Variants in PRMT7 observed in about 807,000 individuals in gnomAD.
PRMT7 encodes protein arginine N-methyltransferase 7.
PRMT7 carries 75 observed loss-of-function variants against 85.4 expected under a neutral mutation model. That is an observed-to-expected ratio of 0.88 (90% confidence interval 0.73 to 1.06). The LOEUF (loss-of-function observed/expected upper bound fraction) is 1.06, where lower values mean the gene tolerates loss of function less well. Among genes scored for constraint, PRMT7 ranks in the 50% least tolerant of loss-of-function variants. PRMT7 has a pLI of 0.00. For synonymous variants in PRMT7, 397 were observed against 359.5 expected, an observed-to-expected ratio of 1.10 and a Z score of -1.18; for missense variants, 868 against 915.2, an observed-to-expected ratio of 0.95 and a Z score of 0.67.
Position 68,311,047 on chromosome 16 carries a change from G to A in PRMT7, c.-271G>A. 1.1e-6 allele frequency: 1 copy of A among 904,026 alleles called. No individual in the cohort carries two copies. Among genetic ancestry groups the A allele is most frequent in the Non-Finnish European group, 1.8e-6 (1 of 571,184 alleles). The allele number at this position is 904,026 out of a possible 1,614,324, so 56.0% of individuals were successfully genotyped here. A position where few individuals can be genotyped will look rare whatever the true frequency, so the allele number is the denominator to read the frequency against. On this transcript the variant is annotated 5_prime_UTR_variant, in exon 1 of 19. Coordinates refer to ENST00000441236, the MANE Select transcript of PRMT7 (RefSeq NM_019023.5). ...GCTGCGAGGTCCCGCCCCGCGTGCTGGCCGCGGTAAAAGTGGTAGCAGCGG... is the reference window on the plus strand; with the variant it reads ...GCTGCGAGGTCCCGCCCCGCGTGCTAGCCGCGGTAAAAGTGGTAGCAGCGG...
intron 5 of PRMT7, among the ~76,000 whole-genome samples, chr16:68,327,859 G>T (rs1352171783): frequency 1.3e-5 from 2 of 150,880 alleles, no homozygotes; most frequent in African/African-American, 4.9e-5. Flanking sequence ...AATTGCTTGA[G>T]CCTGGGAGGT....
At chr16:68,356,653 G>T (rs367864754) in intron 17 of PRMT7, 48 bp from the exon 18 acceptor site, 1 of 1,453,654 alleles carries the variant, frequency 6.9e-7, no homozygotes. Context: ...CTGTTCCCCC[G>T]CTGCCTCTTG....
At chr16:68,319,996 G>A (rs1366193137) in intron 3 of PRMT7, among the ~76,000 whole-genome samples, 1 of 152,146 alleles carries the variant, frequency 6.6e-6, no homozygotes. Context: ...AGTTTTCCCT[G>A]ATGATGTTAA....
intron 5 of PRMT7, 160 bp downstream of exon 5, chr16:68,324,992 GTTCC>G: frequency 4.7e-6 from 4 of 855,500 alleles, no homozygotes; most frequent in Non-Finnish European, 7.0e-6. Context: ...GTCAGACACA[GTTCC>G]TTCCTCCAGG....
At chr16:68,311,225 T>G in intron 1 of PRMT7, 126 bp downstream of exon 1, 1 of 512,780 alleles carries the variant, frequency 2.0e-6, no homozygotes, top group African/African-American at 1.9e-5. Context: ...CTCCTCCGCG[T>G]GGGGCAGCTC....
intron 2 of PRMT7, 102 bp from the exon 3 acceptor site, chr16:68,315,795 G>T: frequency 6.7e-6 from 4 of 593,516 alleles, no homozygotes; most frequent in East Asian, 3.0e-5. Context: ...CCCCGCTTTT[G>T]TCTCCCCTTC....
chr16:68,340,131 G>A (rs531248009), intron 9 of PRMT7, among the ~76,000 whole-genome samples, 163 bp downstream of exon 9: 1 of 152,348 alleles, frequency 6.6e-6, no homozygotes, highest in African/African-American at 2.4e-5. Flanking sequence ...GCTAGCTGTA[G>A]TAACGTAGCC....
chr16:68,335,215 A>G (rs996200584), intron 6 of PRMT7, among the ~76,000 whole-genome samples: 2 of 152,194 alleles, frequency 1.3e-5, no homozygotes, highest in Non-Finnish European at 2.9e-5. Flanking sequence ...GTAGGGTGAC[A>G]GAAATCAATA....
rs1473502151 is a variant in PRMT7 at position 68,311,046 on chromosome 16, T to C, written c.-272T>C. ...CGCTGCGAGGTCCCGCCCCGCGTGC[T>C]GGCCGCGGTAAAAGTGGTAGCAGCG... On this transcript the variant is annotated 5_prime_UTR_variant, in exon 1 of 19. Coordinates refer to ENST00000441236, the MANE Select transcript of PRMT7 (RefSeq NM_019023.5). 4 of 904,678 alleles carry C rather than the reference T, an allele frequency of 4.4e-6. No homozygotes were observed. Among genetic ancestry groups the C allele is most frequent in the Non-Finnish European group, 7.0e-6 (4 of 571,734 alleles). The allele number at this position is 904,678 out of a possible 1,614,324, so 56.0% of individuals were successfully genotyped here.
intron 2 of PRMT7, among the ~76,000 whole-genome samples, chr16:68,314,608 A>T (rs1202656844): frequency 1.3e-5 from 2 of 152,252 alleles, no homozygotes; most frequent in Non-Finnish European, 2.9e-5. Context: ...ACTCTGGCCA[A>T]TAAAATGCCA....
At chr16:68,345,302 A>G (rs546850390) in intron 9 of PRMT7, among the ~76,000 whole-genome samples, 54 of 152,218 alleles carry the variant, frequency 3.5e-4, no homozygotes, top group Non-Finnish European at 6.8e-4. Context: ...TTCCCCTTAA[A>G]CCACTAGGTT....
intron 6 of PRMT7, among the ~76,000 whole-genome samples, chr16:68,333,621 C>T (rs1597298608): frequency 6.6e-6 from 1 of 152,036 alleles, no homozygotes; most frequent in Non-Finnish European, 1.5e-5. Context: ...CTGTACCTGG[C>T]GAGATCATTT....
At position 68,315,972 on chromosome 16, in the gene PRMT7, T is replaced by C; in HGVS notation, c.-8T>C. ...TTCTGTGCTAAAACTGGGGAGCTAG[T>C]GGGCACCATGAAGATCTTCTGCAGT... On this transcript the variant is annotated 5_prime_UTR_variant, in exon 3 of 19. Coordinates refer to ENST00000441236, the MANE Select transcript of PRMT7 (RefSeq NM_019023.5). The C allele has an allele frequency of 6.2e-7, 1 of 1,613,162 alleles. No individual in the cohort carries two copies. Among genetic ancestry groups the C allele is most frequent in the South Asian group, 1.1e-5 (1 of 90,758 alleles).
intron 6 of PRMT7, among the ~76,000 whole-genome samples, chr16:68,330,566 A>C (rs1214368555): frequency 6.6e-6 from 1 of 151,952 alleles, no homozygotes; most frequent in Non-Finnish European, 1.5e-5. Flanking sequence ...GGAGAATCTG[A>C]AACATGTACA....
chr16:68,330,136 C>T lies in PRMT7; in HGVS notation c.391+962C>T, dbSNP rs529985921. Among the ~76,000 whole-genome samples, 22 of 152,088 alleles carry T rather than the reference C, an allele frequency of 1.4e-4. No individual in the cohort carries two copies. The Middle Eastern group carries it at 0.017, about 118-fold the overall frequency. ...CTTGAACCCCTGACCTCAGGTGATC[C>T]GCCTGCCTCAGCCTCCCAAAGTGCT... On this transcript the variant is annotated intron_variant, in intron 6 of 18. Transcript: ENST00000441236.
intron 5 of PRMT7, among the ~76,000 whole-genome samples, chr16:68,326,323 G>A (rs985714035): frequency 2.0e-5 from 3 of 152,116 alleles, no homozygotes; most frequent in South Asian, 4.2e-4. Context: ...TCTATTCACC[G>A]CAACCTCCGC....
chr16:68,311,020 A>G lies in PRMT7; in HGVS notation c.-298A>G, dbSNP rs541712558. On this transcript the variant is annotated 5_prime_UTR_variant, in exon 1 of 19. Transcript: ENST00000441236. ...GACCCGCCCCCCAGCACGCTCCTCG[A>G]CGCTGCGAGGTCCCGCCCCGCGTGC... 83 of 1,146,198 alleles carry G rather than the reference A, an allele frequency of 7.2e-5. No individual in the cohort carries two copies. Among genetic ancestry groups the G allele is most frequent in the Admixed American group, 2.2e-4 (11 of 50,390 alleles). The allele number at this position is 1,146,198 out of a possible 1,614,324, so 71.0% of individuals were successfully genotyped here. A position where few individuals can be genotyped will look rare whatever the true frequency, so the allele number is the denominator to read the frequency against.
chr16:68,323,379 T>C (rs1457569811), intron 4 of PRMT7, among the ~76,000 whole-genome samples: 1 of 151,952 alleles, frequency 6.6e-6, no homozygotes, highest in African/African-American at 2.4e-5. Flanking sequence ...CCACCATGCC[T>C]GGCTAATTTT....
intron 14 of PRMT7, 141 bp downstream of exon 14, chr16:68,348,572 C>T (rs976184701): frequency 7.4e-6 from 4 of 541,458 alleles, no homozygotes; most frequent in African/African-American, 2.0e-5. Context: ...GAGCTCCCAC[C>T]ATCAAGGGTG....
Sources: gnomAD v4.1 joint callset for allele counts (sites outside exome capture counted in the v4.1 genomes callset) on GRCh38, gnomAD v4.1.1 for gene constraint, MANE v1.5 for transcripts, NCBI Gene and HGNC (gene_info 2026-07-23, HGNC 2026-07-21) for gene names.